Variants in DISC1 observed in about 807,000 individuals in gnomAD.
DISC1 encodes the protein disrupted in schizophrenia 1 protein.
DISC1 carries 57 observed loss-of-function variants against 84.5 expected under a neutral mutation model. That is an observed-to-expected ratio of 0.67 (90% confidence interval 0.55 to 0.84). DISC1 has a LOEUF of 0.84. Among genes scored for constraint, DISC1 ranks in the 40% least tolerant of loss-of-function variants. The pLI, the probability that DISC1 is intolerant of heterozygous loss-of-function variation, is 0.00. For synonymous variants in DISC1, 411 were observed against 415.2 expected (o/e 0.99, Z 0.12); for missense variants, 1,000 against 1,057.8 (o/e 0.95, Z 0.76).
intron 3 of DISC1, among the ~76,000 whole-genome samples, chr1:231,735,804 A>C (rs1429722975): frequency 6.6e-6 from 1 of 152,104 alleles, no homozygotes; most frequent in Non-Finnish European, 1.5e-5. Context: ...TGTAACACTC[A>C]TTCATTTATT....
At chr1:231,807,738 G>A (rs2079858600) in intron 8 of DISC1, among the ~76,000 whole-genome samples, 1 of 152,214 alleles carries the variant, frequency 6.6e-6, no homozygotes, top group Admixed American at 6.5e-5. Flanking sequence ...GCCTCACTGT[G>A]TGTTGGCAGG....
intron 9 of DISC1, among the ~76,000 whole-genome samples, chr1:231,819,397 G>A (rs558405849): frequency 2.6e-5 from 4 of 152,296 alleles, no homozygotes; most frequent in African/African-American, 9.6e-5. Flanking sequence ...GCTAGCTGAA[G>A]TTAAGTGCAT....
At position 231,694,243 on chromosome 1, in the gene DISC1, C is replaced by T; in HGVS notation, c.485C>T (p.Ala162Val). 2 of 1,614,218 alleles carry T rather than the reference C, an allele frequency of 1.2e-6. No individual in the cohort carries two copies. Among genetic ancestry groups the T allele is most frequent in the Non-Finnish European group, 1.7e-6 (2 of 1,180,048 alleles). Reference protein sequence around the residue: ...SSETLDASWEAACSDGARRVR... With the variant: ...SSETLDASWEVACSDGARRVR... ...GAGACCCTGGACGCCAGCTGGGAGG[C>T]AGCCTGCAGCGATGGAGCAAGGCGT... Residue 162 changes from alanine to valine, a missense_variant, in exon 2 of 13, where the codon GCA becomes GTA. Transcript: ENST00000439617.
intron 9 of DISC1, among the ~76,000 whole-genome samples, chr1:231,879,506 T>C (rs2086139673): frequency 6.6e-6 from 1 of 151,952 alleles, no homozygotes; most frequent in Admixed American, 6.6e-5. Context: ...TATGGCCTCC[T>C]GTGAGCAGAA....
At chr1:231,811,509 C>T (rs2080289311) in intron 8 of DISC1, among the ~76,000 whole-genome samples, 1 of 152,248 alleles carries the variant, frequency 6.6e-6, no homozygotes, top group African/African-American at 2.4e-5. Context: ...TGATCATTCT[C>T]AGCACTGGCT....
intron 12 of DISC1, among the ~76,000 whole-genome samples, chr1:232,027,662 T>C (rs949717785): frequency 1.3e-5 from 2 of 152,234 alleles, no homozygotes; most frequent in Non-Finnish European, 2.9e-5. Flanking sequence ...AACACTTCCC[T>C]ATTCATTCAT....
intron 1 of DISC1, among the ~76,000 whole-genome samples, chr1:231,678,264 G>T (rs2063347297): frequency 6.6e-6 from 1 of 152,200 alleles, no homozygotes; most frequent in African/African-American, 2.4e-5. Flanking sequence ...GTAAACAGGA[G>T]GTCAAAGAGG....
chr1:231,755,993 G>C (rs115448684), intron 4 of DISC1, among the ~76,000 whole-genome samples: 42 of 152,322 alleles, frequency 2.8e-4, no homozygotes, highest in African/African-American at 9.9e-4. Context: ...GCTCCCCATT[G>C]CTTGCAGGAT....
At chr1:231,905,728 C>A (rs752005877) in intron 9 of DISC1, among the ~76,000 whole-genome samples, 6 of 151,816 alleles carry the variant, frequency 4.0e-5, no homozygotes, top group Non-Finnish European at 7.4e-5. Flanking sequence ...CATGGGGGAC[C>A]CTTTTGTTGT....
intron 3 of DISC1, among the ~76,000 whole-genome samples, chr1:231,744,219 G>C (rs2073694251): frequency 6.6e-6 from 1 of 152,184 alleles, no homozygotes; most frequent in Admixed American, 6.5e-5. Context: ...CTGGGGTTAA[G>C]TAGTAAGTGC....
chr1:231,877,666 G>T (rs12032135), intron 9 of DISC1, among the ~76,000 whole-genome samples: 19,176 of 152,072 alleles, frequency 0.13, 1,353 homozygotes, highest in East Asian at 0.32. Context: ...GTTATTTTAG[G>T]TATACTCTAT....
rs1212067586 is a variant in DISC1, at chr1:231,702,172, G to A, written c.1117+148G>A. 5.0e-6 allele frequency: 7 copies of A among 1,409,606 alleles called. No individual in the cohort carries two copies. In the East Asian group the frequency reaches 1.7e-4, roughly 34 times the overall value. The allele number at this position is 1,409,606 out of a possible 1,614,324, so 87.3% of individuals were successfully genotyped here. On this transcript the variant is annotated intron_variant, in intron 3 of 12. Transcript: ENST00000439617. ...CCAGGGAATAGTTGACTCTTTTACA[G>A]CATTATTGTTTTGTAGATTTCAAAG...
At chr1:231,734,558 A>G (rs199789992) in intron 3 of DISC1, among the ~76,000 whole-genome samples, 2 of 152,176 alleles carry the variant, frequency 1.3e-5, no homozygotes, top group African/African-American at 2.4e-5. Context: ...CTTGCCAGTC[A>G]TATGACACAC....
intron 9 of DISC1, among the ~76,000 whole-genome samples, chr1:231,889,561 G>T (rs2087049892): frequency 6.6e-6 from 1 of 152,152 alleles, no homozygotes; most frequent in Non-Finnish European, 1.5e-5. Context: ...ATCTGTTTCT[G>T]GACTCTTTAG....
chr1:231,876,339 TG>T (rs1558680381), intron 9 of DISC1, among the ~76,000 whole-genome samples: 1 of 152,220 alleles, frequency 6.6e-6, no homozygotes. Flanking sequence ...CTGCCATGAA[TG>T]TAAGCTTCCT....
At chr1:231,793,582 G>T (rs1038622072) in intron 6 of DISC1, among the ~76,000 whole-genome samples, 1 of 152,108 alleles carries the variant, frequency 6.6e-6, no homozygotes, top group Non-Finnish European at 1.5e-5. Flanking sequence ...ACCCCATGAC[G>T]GGCTTACACT....
chr1:231,920,346 A>T (rs930514236), intron 9 of DISC1, among the ~76,000 whole-genome samples: 3 of 152,212 alleles, frequency 2.0e-5, no homozygotes, highest in African/African-American at 7.2e-5. Context: ...TTGTGCAAAC[A>T]TCATCACCAT....
At chr1:231,649,505 A>G (rs1262598457) in intron 1 of DISC1, among the ~76,000 whole-genome samples, 3 of 152,162 alleles carry the variant, frequency 2.0e-5, no homozygotes, top group African/African-American at 4.8e-5. Flanking sequence ...AATAAGTGCA[A>G]TGTGGTGCTG....
At chr1:231,778,586 C>T (rs983845353) in intron 6 of DISC1, among the ~76,000 whole-genome samples, 1 of 152,058 alleles carries the variant, frequency 6.6e-6, no homozygotes, top group Non-Finnish European at 1.5e-5. Context: ...GCTTAGACCT[C>T]GCCTCACCAT....
Sources: gnomAD v4.1 joint callset for allele counts (sites outside exome capture counted in the v4.1 genomes callset) on GRCh38, gnomAD v4.1.1 for gene constraint, MANE v1.5 for transcripts, NCBI Gene and HGNC (gene_info 2026-07-23, HGNC 2026-07-21) for gene names.